Variants in TMEM131 observed in about 807,000 individuals in gnomAD.
The protein encoded by TMEM131 is 2610524E03Rik.
A neutral mutation model predicts 211.6 loss-of-function variants in TMEM131; 66 were observed. The ratio of observed to expected loss-of-function variants is 0.31; its 90% confidence interval spans 0.26 to 0.38. The LOEUF (loss-of-function observed/expected upper bound fraction) is 0.38. Among genes scored for constraint, TMEM131 ranks in the 10% least tolerant of loss-of-function variants. The probability of loss-of-function intolerance (pLI) is 1.00; values close to 1 mark genes in which losing one functional copy is unlikely to be tolerated. For missense variants in TMEM131, 2,036 were observed against 2,299.3 expected (o/e 0.89, Z 2.34); for synonymous variants, 844 against 841.3 (o/e 1.00, Z -0.06).
intron 1 of TMEM131, among the ~76,000 whole-genome samples, chr2:97,965,390 C>T (rs556968721): frequency 8.5e-5 from 13 of 152,232 alleles, no homozygotes; most frequent in Non-Finnish European, 1.8e-4. Context: ...GAGCAAGCCT[C>T]TGACACTCTG....
rs6737992 is a variant in TMEM131, at chr2:97,805,276, G to C, written c.2285-71C>G. On this transcript the variant is annotated intron_variant, in intron 21 of 40. Coordinates refer to ENST00000186436, the MANE Select transcript of TMEM131 (RefSeq NM_015348.2). ...AATTTTCCTTCAAATAATTTCTATAGTAACAAAAGACAGCAATGTACTTTA... is the reference window on the plus strand; with the variant it reads ...AATTTTCCTTCAAATAATTTCTATACTAACAAAAGACAGCAATGTACTTTA... 4.6e-3 allele frequency: 7,218 copies of C among 1,560,066 alleles called. 317 individuals are homozygous for C. In the African/African-American group the frequency reaches 0.089, roughly 19 times the overall value.
Position 97,833,382 on chromosome 2 carries a change from T to G in TMEM131, c.1057A>C (p.Lys353Gln). ...AAACTTACTGTTATTGGTACATCTT[T>G]TGTTCCTGAATTTAATAAATGAAGG... ...LNLHLLNSGT[K>Q]DVPITSVRPT... is the part of the protein sequence containing the mutation. The change falls in exon 11 of 41, where the codon AAA (lysine) becomes CAA (glutamine). Residue 353 changes from lysine (K) to glutamine (Q), a missense_variant. By Grantham distance (53) the Lys-to-Gln change is moderately conservative. Coordinates refer to ENST00000186436, the MANE Select transcript of TMEM131 (RefSeq NM_015348.2). The G allele has an allele frequency of 7.6e-7, 1 of 1,315,956 alleles. No individual in the cohort carries two copies. The highest frequency in any genetic ancestry group is 1.3e-5 in the South Asian group (1 of 75,260). 81.5% of individuals were successfully genotyped at this position (1,315,956 alleles called of 1,614,324 possible). A position where few individuals can be genotyped will look rare whatever the true frequency, so the allele number is the denominator to read the frequency against.
chr2:97,821,196 G>T (rs1033613337), intron 11 of TMEM131, among the ~76,000 whole-genome samples: 2 of 152,138 alleles, frequency 1.3e-5, no homozygotes, highest in African/African-American at 4.8e-5. Flanking sequence ...TCTGTGTCTA[G>T]CTAAAGGATT....
chr2:97,807,290 C>T (rs1210702680), intron 19 of TMEM131, among the ~76,000 whole-genome samples: 3 of 152,132 alleles, frequency 2.0e-5, no homozygotes, highest in African/African-American at 4.8e-5. Flanking sequence ...AAATGTGATC[C>T]CCAGTGTTGG....
At position 97,756,753 on chromosome 2, in the gene TMEM131, T is replaced by C. The variant is rs190271159; in HGVS notation, c.*346A>G. On this transcript the variant is annotated 3_prime_UTR_variant, in exon 41 of 41. Coordinates refer to ENST00000186436, the MANE Select transcript of TMEM131 (RefSeq NM_015348.2). ...TCTGAATCAACTCAAATTATTTCCT[T>C]AGCTGTAATGTCAAATCTGTGTTCA... 5.8e-6 allele frequency: 1 copy of C among 173,426 alleles called. No homozygotes were observed. The highest frequency in any genetic ancestry group is 6.3e-5 in the Admixed American group (1 of 15,816). 10.7% of individuals were successfully genotyped at this position (173,426 alleles called of 1,614,324 possible).
At chr2:97,934,802 T>C (rs1014392535) in intron 1 of TMEM131, among the ~76,000 whole-genome samples, 2 of 152,184 alleles carry the variant, frequency 1.3e-5, no homozygotes, top group African/African-American at 2.4e-5. Flanking sequence ...GAGACATCTA[T>C]AGACCAAAAC....
Position 97,759,746 on chromosome 2 carries a change from C to G in TMEM131, c.5112G>C (p.Ser1704=), listed in dbSNP as rs191573811. ...APVDSDGSDS[S]GLWSPVSNPS... ...GGTTGCTGACGGGACTCCACAAACCCGAGCTAAATGTTACAAGAGGAAAAC... is the reference window on the plus strand; with the variant it reads ...GGTTGCTGACGGGACTCCACAAACCGGAGCTAAATGTTACAAGAGGAAAAC... Residue 1704 remains serine (S), a synonymous_variant, in exon 39 of 41, where the codon TCG becomes TCC. Coordinates refer to ENST00000186436, the MANE Select transcript of TMEM131 (RefSeq NM_015348.2). 4.1e-5 allele frequency: 66 copies of G among 1,611,600 alleles called. No individual in the cohort carries two copies. In the Middle Eastern group the frequency reaches 6.6e-4, roughly 16 times the overall value.
At chr2:97,919,633 C>T (rs1204917901) in intron 2 of TMEM131, among the ~76,000 whole-genome samples, 2 of 152,134 alleles carry the variant, frequency 1.3e-5, no homozygotes, top group East Asian at 1.9e-4. Context: ...TGCAATGGCA[C>T]GATCTCAGCT....
chr2:97,943,348 C>T (rs550312606), intron 1 of TMEM131, among the ~76,000 whole-genome samples: 47 of 152,250 alleles, frequency 3.1e-4, no homozygotes, highest in East Asian at 2.1e-3. Context: ...AAATCAGACA[C>T]GGTCATCACA....
At chr2:97,864,539 T>G (rs141585713) in intron 4 of TMEM131, among the ~76,000 whole-genome samples, 4 of 151,914 alleles carry the variant, frequency 2.6e-5, no homozygotes, top group Admixed American at 2.6e-4. Context: ...AAAATAATTT[T>G]AAAAAAAAGC....
intron 4 of TMEM131, among the ~76,000 whole-genome samples, chr2:97,881,378 T>A (rs1470466639): frequency 6.6e-6 from 1 of 151,934 alleles, no homozygotes; most frequent in Non-Finnish European, 1.5e-5. Context: ...AGCTACTTTT[T>A]AAAATTTTTT....
intron 7 of TMEM131, among the ~76,000 whole-genome samples, chr2:97,838,426 CTTTTTTT>C (rs753635047): frequency 9.0e-5 from 8 of 89,092 alleles, no homozygotes; most frequent in African/African-American, 2.6e-4. Flanking sequence ...TAAGCTTAAA[CTTTTTTT>C]TTTTTTTTTT....
chr2:97,866,457 A>G (rs1202185069), intron 4 of TMEM131, among the ~76,000 whole-genome samples: 2 of 152,162 alleles, frequency 1.3e-5, no homozygotes, highest in Non-Finnish European at 2.9e-5. Context: ...TAAAGGTTTG[A>G]CAATTCGATC....
chr2:97,926,170 T>A (rs1200166672), intron 2 of TMEM131, among the ~76,000 whole-genome samples: 2 of 151,706 alleles, frequency 1.3e-5, no homozygotes, highest in Non-Finnish European at 2.9e-5. Context: ...GAATTGCAGA[T>A]CTAAGAAGGA....
At chr2:97,969,166 T>C (rs764298282) in intron 1 of TMEM131, among the ~76,000 whole-genome samples, 2 of 152,154 alleles carry the variant, frequency 1.3e-5, no homozygotes, top group Admixed American at 6.5e-5. Flanking sequence ...TAAGAGCAAT[T>C]TGTTGATGTA....
At chr2:97,938,148 A>G (rs1355443566) in intron 1 of TMEM131, among the ~76,000 whole-genome samples, 2 of 152,336 alleles carry the variant, frequency 1.3e-5, no homozygotes, top group Non-Finnish European at 1.5e-5. Flanking sequence ...AGCTAACATC[A>G]TAATGACAGG....
intron 1 of TMEM131, among the ~76,000 whole-genome samples, chr2:97,942,621 C>G (rs1040290931): frequency 4.0e-5 from 6 of 151,822 alleles, no homozygotes; most frequent in African/African-American, 1.5e-4. Flanking sequence ...AATTAGACAG[C>G]CTACATGAAA....
chr2:97,907,898 AC>A (rs1676137852), intron 3 of TMEM131, among the ~76,000 whole-genome samples: 1 of 152,120 alleles, frequency 6.6e-6, no homozygotes, highest in Non-Finnish European at 1.5e-5. Flanking sequence ...CTATACCATT[AC>A]GCTGAATCTT....
intron 11 of TMEM131, among the ~76,000 whole-genome samples, chr2:97,821,441 TGGGTCCCTTTCTA>T (rs1212477735): frequency 2.0e-5 from 3 of 152,220 alleles, no homozygotes; most frequent in African/African-American, 7.2e-5. Flanking sequence ...GCAACCCGTT[TGGGTCCCTTTCTA>T]GGCTGTGGAA....
Sources: gnomAD v4.1 joint callset for allele counts (sites outside exome capture counted in the v4.1 genomes callset) on GRCh38, gnomAD v4.1.1 for gene constraint, MANE v1.5 for transcripts, NCBI Gene and HGNC (gene_info 2026-07-23, HGNC 2026-07-21) for gene names.